PKIB: variants seen among roughly 807,000 people sequenced by gnomAD.
PKIB encodes cAMP-dependent protein kinase inhibitor beta, also known as PKI-beta.
PKIB carries 2 observed loss-of-function variants against 4.5 expected under a neutral mutation model. The observed-to-expected ratio is 0.44, with a 90% CI of 0.18 to 1.39. The LOEUF is 1.39. Among genes scored for constraint, PKIB ranks in the 40% most tolerant of loss-of-function variants. PKIB has a pLI of 0.27. For synonymous variants in PKIB, 38 were observed against 36.0 expected (o/e 1.06, Z -0.20); for missense variants, 94 against 92.6 (o/e 1.02, Z -0.06).
intron 1 of PKIB, among the ~76,000 whole-genome samples, chr6:122,617,934 T>A (rs371474521): frequency 5.9e-5 from 9 of 152,282 alleles, no homozygotes; most frequent in African/African-American, 1.9e-4. Flanking sequence ...TGGTGTACAG[T>A]TTGTATCCTA....
chr6:122,561,988 GTTTT>G (rs796363707), intron 2 of PKIB, among the ~76,000 whole-genome samples: 2 of 24,274 alleles, frequency 8.2e-5, no homozygotes, highest in African/African-American at 1.6e-4. Context: ...TTTTTTGTTT[GTTTT>G]TGTTTTTTTT....
chr6:122,636,864 T>C (rs974126612), intron 2 of PKIB, among the ~76,000 whole-genome samples: 11 of 152,128 alleles, frequency 7.2e-5, no homozygotes, highest in African/African-American at 2.4e-4. Flanking sequence ...ATACAGAAAC[T>C]TAGAGAAGCC....
At chr6:122,603,226 T>G (rs1048236424) in intron 3 of PKIB, among the ~76,000 whole-genome samples, 7 of 152,140 alleles carry the variant, frequency 4.6e-5, no homozygotes, top group Non-Finnish European at 7.4e-5. Flanking sequence ...TTTGGGATCA[T>G]AATAAATAAT....
chr6:122,576,661 TC>T (rs1277233544), intron 2 of PKIB, among the ~76,000 whole-genome samples: 3 of 63,088 alleles, frequency 4.8e-5, no homozygotes, highest in Non-Finnish European at 7.8e-5. Flanking sequence ...AGAGCGAGAC[TC>T]CATCTCAAAA....
intron 2 of PKIB, among the ~76,000 whole-genome samples, chr6:122,548,671 T>C (rs1368082361): frequency 6.6e-6 from 1 of 152,168 alleles, no homozygotes; most frequent in Non-Finnish European, 1.5e-5. Context: ...AAGCACACAA[T>C]GACTAAATGG....
At chr6:122,651,993 A>T (rs1194750760) in intron 2 of PKIB, among the ~76,000 whole-genome samples, 1 of 152,176 alleles carries the variant, frequency 6.6e-6, no homozygotes, top group Non-Finnish European at 1.5e-5. Flanking sequence ...CCATTGCCAC[A>T]TCATGCCATA....
chr6:122,632,995 T>C (rs1330423985), intron 1 of PKIB, among the ~76,000 whole-genome samples: 1 of 152,218 alleles, frequency 6.6e-6, no homozygotes, highest in East Asian at 1.9e-4. Context: ...ACAATTGATG[T>C]GTTTGAATGG....
chr6:122,632,067 G>A (rs1775726302), intron 1 of PKIB, among the ~76,000 whole-genome samples: 1 of 152,164 alleles, frequency 6.6e-6, no homozygotes, highest in Non-Finnish European at 1.5e-5. Flanking sequence ...CATAACCCCT[G>A]GAAGAATGGG....
chr6:122,543,458 C>A (rs1292679531), intron 2 of PKIB, among the ~76,000 whole-genome samples: 1 of 151,302 alleles, frequency 6.6e-6, no homozygotes, highest in African/African-American at 2.4e-5. Flanking sequence ...CAGCTCACTG[C>A]AACCTCCACC....
chr6:122,546,240 T>A (rs761551768), intron 2 of PKIB, among the ~76,000 whole-genome samples: 15 of 152,122 alleles, frequency 9.9e-5, no homozygotes, highest in Non-Finnish European at 1.8e-4. Context: ...AACCCTAGGG[T>A]CTTGCTCTTC....
chr6:122,622,875 A>G (rs1045968797), intron 1 of PKIB, among the ~76,000 whole-genome samples: 1 of 151,642 alleles, frequency 6.6e-6, no homozygotes, highest in Admixed American at 6.6e-5. Context: ...TTAATTAAAC[A>G]TGAACTTGGG....
At chr6:122,489,251 T>C (rs1775870644) in intron 2 of PKIB, among the ~76,000 whole-genome samples, 1 of 151,246 alleles carries the variant, frequency 6.6e-6, no homozygotes, top group Admixed American at 6.6e-5. Context: ...TTATTATTGT[T>C]ATTATTATTA....
chr6:122,563,682 T>G (rs1162727455), intron 2 of PKIB, among the ~76,000 whole-genome samples: 1 of 151,982 alleles, frequency 6.6e-6, no homozygotes, highest in Non-Finnish European at 1.5e-5. Context: ...TCACTGGAGT[T>G]GTGTACCTAG....
intron 2 of PKIB, among the ~76,000 whole-genome samples, chr6:122,506,794 G>A (rs1776417033): frequency 6.7e-6 from 1 of 149,498 alleles, no homozygotes; most frequent in South Asian, 2.1e-4. Flanking sequence ...CCGCCTCCCG[G>A]GTTCACGCCA....
At chr6:122,554,673 A>G (rs1388025601) in intron 2 of PKIB, among the ~76,000 whole-genome samples, 1 of 152,186 alleles carries the variant, frequency 6.6e-6, no homozygotes, top group African/African-American at 2.4e-5. Flanking sequence ...TCTATTATTC[A>G]GGGGTAAGTA....
chr6:122,576,711 T>TATATATATATATATATATATATA (rs1554221348), intron 2 of PKIB, among the ~76,000 whole-genome samples: 2 of 75,670 alleles, frequency 2.6e-5, no homozygotes, highest in African/African-American at 1.1e-4. Flanking sequence ...TATATATATA[T>TATATATATATATATATATATATA]TTTCTTTTGT....
chr6:122,688,480 C>A (rs1051827195), intron 3 of PKIB, among the ~76,000 whole-genome samples: 1 of 149,126 alleles, frequency 6.7e-6, no homozygotes. Context: ...ATGAATTTGA[C>A]AGTATTCTTT....
rs1345822382 is a variant in PKIB, at chr6:122,576,689, A to AAAAAAAT, written c.-247-9231_-247-9230insAAAAATA. Among the ~76,000 whole-genome samples, 185 of 34,324 alleles carry AAAAAAAT rather than the reference A, an allele frequency of 5.4e-3. 16 individuals carry two copies. Among genetic ancestry groups the AAAAAAAT allele is most frequent in the East Asian group, 0.023 (22 of 950 alleles). The allele number at this position is 34,324 out of a possible 152,430, so 22.5% of individuals were successfully genotyped here. A position where few individuals can be genotyped will look rare whatever the true frequency, so the allele number is the denominator to read the frequency against. On this transcript the variant is annotated intron_variant, in intron 2 of 6. Transcript: ENST00000392491. ...ATCTCAAAAAAAAAAAAAAAAAAAA[A>AAAAAAAT]ATATATATATATATATATATATTTT...
intron 2 of PKIB, among the ~76,000 whole-genome samples, chr6:122,503,907 T>A (rs1776322653): frequency 6.6e-6 from 1 of 152,192 alleles, no homozygotes; most frequent in African/African-American, 2.4e-5. Flanking sequence ...TGGTTTCTGT[T>A]ATATTTAGTC....
Sources: allele counts gnomAD v4.1 joint callset (sites outside exome capture counted in the v4.1 genomes callset), GRCh38; gene constraint gnomAD v4.1.1; transcripts MANE v1.5; gene names NCBI Gene and HGNC (gene_info 2026-07-23, HGNC 2026-07-21).